Variants in OGA observed in about 807,000 individuals in gnomAD.
OGA encodes the protein protein O-GlcNAcase.
Under a neutral mutation model 102.0 loss-of-function variants are expected in OGA, and 21 were observed. That is an observed-to-expected ratio of 0.21 (90% CI 0.15 to 0.30). The LOEUF (loss-of-function observed/expected upper bound fraction) is 0.30, where lower values mean the gene tolerates loss of function less well. OGA is among the 10% of genes least tolerant of loss of function. The probability of loss-of-function intolerance (pLI) is 1.00; values close to 1 mark genes in which losing one functional copy is unlikely to be tolerated. For missense variants in OGA, 765 were observed against 1,107.8 expected (o/e 0.69, Z 4.39); for synonymous variants, 408 against 378.2 (o/e 1.08, Z -0.91).
At position 101,790,890 on chromosome 10, in the gene OGA, T is replaced by C. The variant is rs376329074; in HGVS notation, c.2454+6A>G. On this transcript the variant is annotated splice_donor_region_variant and intron_variant, in intron 14 of 15. Transcript: ENST00000361464. ...ACCATAGTATAATTCTTAACCTTTGTATTACCTCAGCCTCAGAGAGTTCCT... is the reference window on the plus strand; with the variant it reads ...ACCATAGTATAATTCTTAACCTTTGCATTACCTCAGCCTCAGAGAGTTCCT... 3.4e-5 allele frequency: 54 copies of C among 1,576,028 alleles called. No homozygotes were observed. The highest frequency in any genetic ancestry group is 8.8e-5 in the Admixed American group (5 of 56,532).
At chr10:101,792,768 T>G in intron 12 of OGA, 71 bp downstream of exon 12, 1 of 1,049,912 alleles carries the variant, frequency 9.5e-7, no homozygotes, top group Non-Finnish European at 1.4e-6. Flanking sequence ...CTTTAACCAG[T>G]GAGTTAAAAG....
chr10:101,817,224 G>A (rs543681105), intron 1 of OGA, among the ~76,000 whole-genome samples: 1 of 152,296 alleles, frequency 6.6e-6, no homozygotes, highest in South Asian at 2.1e-4. Context: ...CAGATACTTC[G>A]AGAATCTGTG....
chr10:101,809,879 C>T (rs974910629), intron 4 of OGA, among the ~76,000 whole-genome samples: 5 of 151,868 alleles, frequency 3.3e-5, no homozygotes, highest in African/African-American at 1.2e-4. Flanking sequence ...CCTGTCTCTA[C>T]TAAAAATACA....
chr10:101,802,471 C>T lies in OGA; in HGVS notation c.1036+1264G>A, dbSNP rs955886246. 2.0e-5 allele frequency among the ~76,000 whole-genome samples: 3 copies of T among 152,076 alleles called. No homozygotes were observed. In the East Asian group the frequency reaches 5.8e-4, roughly 29 times the overall value. ...GGCGGATCACCTGAGGTCAGGAGTTCAAGACCAGCCTGACATGGAGAAACC... is the reference window on the plus strand; with the variant it reads ...GGCGGATCACCTGAGGTCAGGAGTTTAAGACCAGCCTGACATGGAGAAACC... On this transcript the variant is annotated intron_variant, in intron 7 of 15. Coordinates refer to ENST00000361464, the MANE Select transcript of OGA (RefSeq NM_012215.5).
chr10:101,809,006 A>G (rs762561055), intron 4 of OGA, among the ~76,000 whole-genome samples: 21 of 151,870 alleles, frequency 1.4e-4, no homozygotes, highest in Non-Finnish European at 2.4e-4. Context: ...CCTACATTGG[A>G]CCAAAGGAAG....
intron 12 of OGA, 57 bp downstream of exon 12, chr10:101,792,782 A>T: frequency 8.1e-7 from 1 of 1,237,268 alleles, no homozygotes. Flanking sequence ...TTAAAAGGTT[A>T]AGTTTTAAGT....
intron 7 of OGA, among the ~76,000 whole-genome samples, chr10:101,801,377 A>G (rs2065389658): frequency 6.6e-6 from 1 of 150,736 alleles, no homozygotes; most frequent in African/African-American, 2.4e-5. Flanking sequence ...GAGCAACAAG[A>G]GCAAGACTCC....
Position 101,803,996 on chromosome 10 carries a change from T to C in OGA, c.775A>G (p.Ile259Val). 1.2e-6 allele frequency: 2 copies of C among 1,609,732 alleles called. No homozygotes were observed. Among genetic ancestry groups the C allele is most frequent in the Non-Finnish European group, 1.7e-6 (2 of 1,177,624 alleles). The change falls in exon 7 of 16, where the codon ATT (isoleucine) becomes GTT (valine). Residue 259 changes from isoleucine to valine, a missense_variant. Physicochemically the swap from Ile to Val is conservative, Grantham distance 29 (BLOSUM62 3). Around this residue, in one of 7 missense-constraint regions of OGA, gnomAD observed 165 missense variants for 249.7 expected, o/e 0.66. Coordinates refer to ENST00000361464, the MANE Select transcript of OGA (RefSeq NM_012215.5). ...ACCTCTTCGATGGACTCTACTGGAA[T>C]TTCTTTAGAAACAACTTTGGGACCT... ...WTGPKVVSKEIPVESIEEVSK... is the reference protein window; with the variant it reads ...WTGPKVVSKEVPVESIEEVSK...
intron 5 of OGA, 107 bp downstream of exon 5, chr10:101,807,623 T>C (rs1405368896): frequency 5.0e-6 from 4 of 794,444 alleles, no homozygotes; most frequent in Non-Finnish European, 7.3e-6. Flanking sequence ...TTCCTACTTT[T>C]ACACACCAAA....
chr10:101,818,395 C>G lies in OGA; in HGVS notation c.-373G>C, dbSNP rs1478716427. ...CTTCCGCTGTTTCCCCTCCAAGCCC[C>G]GAGCTCTCCCTCTGCTGCTGCCTCC... On this transcript the variant is annotated 5_prime_UTR_variant, in exon 1 of 16. Transcript: ENST00000361464. The G allele has an allele frequency of 4.9e-6, 5 of 1,028,648 alleles. No individual in the cohort carries two copies. Among genetic ancestry groups the G allele is most frequent in the Non-Finnish European group, 4.7e-6 (4 of 857,184 alleles). 63.7% of individuals were successfully genotyped at this position (1,028,648 alleles called of 1,614,324 possible).
At chr10:101,793,568 T>G (rs1283715496) in intron 11 of OGA, 1 of 166,218 alleles carries the variant, frequency 6.0e-6, no homozygotes, top group Non-Finnish European at 1.3e-5. Context: ...TTTATTGGCA[T>G]AATTACTATC....
In OGA at chr10:101,798,131, T is replaced by G. The variant is rs780477090; in HGVS notation, c.1833A>C (p.Ala611=). The stretch of plus-strand genomic sequence containing the variant: ...GTCCACACATCTCTTCAAACTTGGC[T>G]GCTCGTGACCGCCATTCTTCAATCT... ...SEKIEEWRSR[A]AKFEEMCGLV... is the part of the protein sequence containing the mutation. Residue 611 remains alanine (A), a synonymous_variant, in exon 10 of 16, where the codon GCA becomes GCC. Coordinates refer to ENST00000361464, the MANE Select transcript of OGA (RefSeq NM_012215.5). The G allele has an allele frequency of 6.2e-7, 1 of 1,614,140 alleles. No homozygotes were observed. Among genetic ancestry groups the G allele is most frequent in the South Asian group, 1.1e-5 (1 of 91,066 alleles).
At chr10:101,786,983 A>G (rs1386438932) in intron 15 of OGA, among the ~76,000 whole-genome samples, 1 of 151,218 alleles carries the variant, frequency 6.6e-6, no homozygotes, top group Non-Finnish European at 1.5e-5. Context: ...TCTTGACCTC[A>G]TGATCCGCCC....
Position 101,799,077 on chromosome 10 carries a change from G to A in OGA, c.1574C>T (p.Ala525Val). The change falls in exon 9 of 16, where the codon GCC (alanine) becomes GTC (valine). Residue 525 changes from alanine (A) to valine (V), a missense_variant. Ala to Val is a moderately conservative substitution (Grantham distance 64, BLOSUM62 0). Around this residue, in one of 7 missense-constraint regions of OGA, gnomAD observed 281 missense variants for 345.8 expected, o/e 0.81. Coordinates refer to ENST00000361464, the MANE Select transcript of OGA (RefSeq NM_012215.5). ...TGTCTGTTCATCAGTTTGCATGGGG[G>A]CAATGTCACTAATACAATCTTCTTG... ...SMQEDCISDI[A>V]PMQTDEQTNK... 1.2e-6 allele frequency: 2 copies of A among 1,614,202 alleles called. No homozygotes were observed. The highest frequency in any genetic ancestry group is 1.7e-6 in the Non-Finnish European group (2 of 1,180,036).
At chr10:101,810,871 G>A (rs1478086728) in intron 3 of OGA, among the ~76,000 whole-genome samples, 1 of 152,182 alleles carries the variant, frequency 6.6e-6, no homozygotes, top group East Asian at 1.9e-4. Context: ...TTTTTGTTTA[G>A]TAGAGATGAG....
chr10:101,803,825 A>T lies in OGA; in HGVS notation c.946T>A (p.Cys316Ser). 6.2e-7 allele frequency: 1 copy of T among 1,614,106 alleles called. No individual in the cohort carries two copies. Among genetic ancestry groups the T allele is most frequent in the Non-Finnish European group, 8.5e-7 (1 of 1,179,984 alleles). ...RLKGVLTNPN[C>S]EFEANYVAIH... Reference sequence around the variant, plus strand: ...GCAACGTAGTTGGCTTCAAATTCACAATTTGGATTAGTGAGGACTCCTTTT... The same window carrying T: ...GCAACGTAGTTGGCTTCAAATTCACTATTTGGATTAGTGAGGACTCCTTTT... The change falls in exon 7 of 16, where the codon TGT becomes AGT. Residue 316 changes from cysteine to serine, a missense_variant. Physicochemically the swap from Cys to Ser is moderately radical, Grantham distance 112. Transcript: ENST00000361464.
intron 7 of OGA, among the ~76,000 whole-genome samples, chr10:101,803,235 T>C (rs760411355): frequency 6.6e-6 from 1 of 151,824 alleles, no homozygotes; most frequent in African/African-American, 2.4e-5. Flanking sequence ...ATCTAAAATA[T>C]CCTTTTCAAT....
At chr10:101,813,968 G>A (rs1225869480) in intron 1 of OGA, among the ~76,000 whole-genome samples, 1 of 152,170 alleles carries the variant, frequency 6.6e-6, no homozygotes, top group Non-Finnish European at 1.5e-5. Context: ...GGGAACGGCA[G>A]CAATGTAATA....
rs370154140 is a variant in OGA at position 101,793,662 on chromosome 10, A to G, written c.2070+251T>C. The G allele has an allele frequency of 3.2e-5, 11 of 342,760 alleles. No homozygotes were observed. The East Asian group carries it at 4.1e-4, about 13-fold the overall frequency. 21.2% of individuals were successfully genotyped at this position (342,760 alleles called of 1,614,324 possible). Reference sequence around the variant, plus strand: ...CAGATTAAAATGCTGTGCGACCTGCAAAGAAACAATGTGAAGTGTATACCT... The same window carrying G: ...CAGATTAAAATGCTGTGCGACCTGCGAAGAAACAATGTGAAGTGTATACCT... On this transcript the variant is annotated intron_variant, in intron 11 of 15. Transcript: ENST00000361464.
Sources: gnomAD v4.1 joint callset for allele counts (sites outside exome capture counted in the v4.1 genomes callset) on GRCh38, gnomAD v4.1.1 for gene constraint, gnomAD v4.1.1 regional missense constraint, MANE v1.5 for transcripts, NCBI Gene and HGNC (gene_info 2026-07-23, HGNC 2026-07-21) for gene names.